MAGI2: variants seen among roughly 807,000 people sequenced by gnomAD.
MAGI2 encodes membrane associated guanylate kinase, WW and PDZ domain containing 2, also known as membrane-associated guanylate kinase, WW and PDZ domain-containing protein 2.
Under a neutral mutation model 133.3 loss-of-function variants are expected in MAGI2, and 35 were observed. That is an observed-to-expected ratio of 0.26 (90% CI 0.20 to 0.35). The LOEUF (loss-of-function observed/expected upper bound fraction) is 0.35. Ranked by LOEUF, MAGI2 falls within the 10% of genes least tolerant of loss-of-function variation. The pLI is 1.00. For missense variants in MAGI2, 1,636 were observed against 1,863.4 expected (o/e 0.88, Z 2.25); for synonymous variants, 729 against 710.6 (o/e 1.03, Z -0.41).
chr7:78,084,635 G>A (rs759248089), intron 20 of MAGI2, among the ~76,000 whole-genome samples: 3 of 152,180 alleles, frequency 2.0e-5, no homozygotes, highest in Non-Finnish European at 4.4e-5. Flanking sequence ...GGTAGTGACA[G>A]GTAAAGTTAT....
intron 1 of MAGI2, among the ~76,000 whole-genome samples, chr7:79,065,923 G>GTGTATA (rs1160716304): frequency 6.6e-6 from 1 of 152,138 alleles, no homozygotes; most frequent in Non-Finnish European, 1.5e-5. Flanking sequence ...GTATTCCATG[G>GTGTATA]TGTATATGTG....
At chr7:78,584,421 G>GAAAAA (rs57844382) in intron 3 of MAGI2, among the ~76,000 whole-genome samples, 32 of 83,964 alleles carry the variant, frequency 3.8e-4, no homozygotes, top group Non-Finnish European at 6.0e-4. Flanking sequence ...CTCCGTCTCA[G>GAAAAA]AAAAAAAAAA....
chr7:79,286,993 C>G (rs1169874315), intron 1 of MAGI2, among the ~76,000 whole-genome samples: 1 of 152,022 alleles, frequency 6.6e-6, no homozygotes, highest in Admixed American at 6.6e-5. Context: ...CTTGAGATTA[C>G]CCAGGAAGGT....
intron 1 of MAGI2, among the ~76,000 whole-genome samples, chr7:79,053,232 C>T (rs1486064537): frequency 1.3e-5 from 2 of 152,182 alleles, no homozygotes; most frequent in African/African-American, 4.8e-5. Context: ...CTTGGCCTCC[C>T]GAAGTGCTGG....
Position 79,331,959 on chromosome 7 carries a change from GA to G in MAGI2, c.301+121060del, listed in dbSNP as rs142902186. Among the ~76,000 whole-genome samples, 129 of 142,798 alleles carry G rather than the reference GA, an allele frequency of 9.0e-4. 1 individual carries two copies. The highest frequency in any genetic ancestry group is 3.6e-3 in the Middle Eastern group (1 of 278). The allele number at this position is 142,798 out of a possible 152,430, so 93.7% of individuals were successfully genotyped here. A position where few individuals can be genotyped will look rare whatever the true frequency, so the allele number is the denominator to read the frequency against. ...CTTAAAGTATAATAAAAAAAAAAAG[GA>G]AAAAAAAATTCCTTTTCTCTTTGGA... is the stretch of plus-strand genomic sequence containing the variant. On this transcript the variant is annotated intron_variant, in intron 1 of 21. Transcript: ENST00000354212.
chr7:79,297,836 A>C (rs1837061126), intron 1 of MAGI2, among the ~76,000 whole-genome samples: 1 of 152,234 alleles, frequency 6.6e-6, no homozygotes, highest in Non-Finnish European at 1.5e-5. Flanking sequence ...ACAGTTTTGA[A>C]GTACTATCTC....
rs113339652 is a variant in MAGI2 at position 78,649,546 on chromosome 7, A to G, written c.419-22307T>C. Among the ~76,000 whole-genome samples, 1,029 of 152,264 alleles carry G rather than the reference A, an allele frequency of 6.8e-3. 10 individuals are homozygous for G. The highest frequency in any genetic ancestry group is 0.024 in the African/African-American group (994 of 41,558). ...GTTGCAAATTTAAAAAGTTAGTATC[A>G]TTTGATTCAAAATAGAAGTGAGACT... On this transcript the variant is annotated intron_variant, in intron 2 of 21. Transcript: ENST00000354212.
At chr7:78,970,618 GAAGACTAAAGAA>G (rs896506924) in intron 2 of MAGI2, among the ~76,000 whole-genome samples, 2 of 151,934 alleles carry the variant, frequency 1.3e-5, no homozygotes, top group Non-Finnish European at 2.9e-5. Context: ...AAAGGATAAA[GAAGACTAAAGAA>G]ATAGTTCATA....
At chr7:79,343,589 A>G (rs1003641865) in intron 1 of MAGI2, among the ~76,000 whole-genome samples, 1 of 151,000 alleles carries the variant, frequency 6.6e-6, no homozygotes, top group Non-Finnish European at 1.5e-5. Context: ...GCTAATTATT[A>G]TTTTTTAATT....
intron 1 of MAGI2, among the ~76,000 whole-genome samples, chr7:79,036,551 C>T (rs1012306807): frequency 6.6e-6 from 1 of 152,146 alleles, no homozygotes; most frequent in Non-Finnish European, 1.5e-5. Flanking sequence ...TGTTTAAAGC[C>T]GTTAAGCAAG....
chr7:78,622,561 C>A (rs1233285696), intron 3 of MAGI2, among the ~76,000 whole-genome samples: 1 of 151,986 alleles, frequency 6.6e-6, no homozygotes, highest in Admixed American at 6.6e-5. Context: ...AAAGTACCAA[C>A]AGTGCAAAAA....
intron 2 of MAGI2, among the ~76,000 whole-genome samples, chr7:78,882,799 A>G (rs1307652960): frequency 6.6e-6 from 1 of 152,100 alleles, no homozygotes; most frequent in East Asian, 1.9e-4. Context: ...TTTTGATAAA[A>G]CCCAACATCC....
At chr7:78,892,192 A>C (rs1268054074) in intron 2 of MAGI2, among the ~76,000 whole-genome samples, 5 of 152,332 alleles carry the variant, frequency 3.3e-5, no homozygotes, top group Middle Eastern at 6.8e-3. Context: ...GGACCTCTTC[A>C]AGGAGAACTA....
intron 1 of MAGI2, among the ~76,000 whole-genome samples, chr7:79,062,666 G>T (rs1813869012): frequency 6.6e-6 from 1 of 151,980 alleles, no homozygotes; most frequent in South Asian, 2.1e-4. Context: ...ATATTTTCAT[G>T]AGTCTATAAT....
At chr7:79,028,235 GTA>G (rs1174096501) in intron 1 of MAGI2, among the ~76,000 whole-genome samples, 2,651 of 29,220 alleles carry the variant, frequency 0.091, 54 homozygotes, top group South Asian at 0.17. Flanking sequence ...ATATATGTAT[GTA>G]TATATATATA....
chr7:79,045,648 C>T (rs998382235), intron 1 of MAGI2, among the ~76,000 whole-genome samples: 3 of 152,062 alleles, frequency 2.0e-5, no homozygotes, highest in African/African-American at 4.8e-5. Context: ...AAAAATTAGC[C>T]GGGCCTGGTG....
At chr7:79,108,631 C>A (rs1198730842) in intron 1 of MAGI2, among the ~76,000 whole-genome samples, 2 of 152,192 alleles carry the variant, frequency 1.3e-5, no homozygotes, top group Non-Finnish European at 2.9e-5. Context: ...TATATCCCTG[C>A]TCTATTCATT....
chr7:78,537,667 A>G (rs771800763), intron 3 of MAGI2, among the ~76,000 whole-genome samples: 9 of 152,050 alleles, frequency 5.9e-5, no homozygotes, highest in Non-Finnish European at 1.2e-4. Flanking sequence ...CCATATTCTT[A>G]GCCCATTTTT....
chr7:79,209,815 T>A (rs1387102073), intron 1 of MAGI2, among the ~76,000 whole-genome samples: 1 of 152,120 alleles, frequency 6.6e-6, no homozygotes, highest in Non-Finnish European at 1.5e-5. Flanking sequence ...ATCTCCTCTA[T>A]AAGACTGTTA....
Sources: allele counts gnomAD v4.1 joint callset (sites outside exome capture counted in the v4.1 genomes callset), GRCh38; gene constraint gnomAD v4.1.1; transcripts MANE v1.5; gene names NCBI Gene and HGNC (gene_info 2026-07-23, HGNC 2026-07-21).